GRIK1: variants seen among roughly 807,000 people sequenced by gnomAD.
GRIK1 encodes the protein glutamate ionotropic receptor kainate type subunit 1.
A neutral mutation model predicts 105.7 loss-of-function variants in GRIK1; 69 were observed. The observed-to-expected ratio is 0.65, with a 90% CI of 0.54 to 0.80. The LOEUF is 0.80. GRIK1 is among the 30% of genes least tolerant of loss of function. The pLI, the probability that GRIK1 is intolerant of heterozygous loss-of-function variation, is 0.00. For synonymous variants in GRIK1, 438 were observed against 431.3 expected (o/e 1.02, Z -0.19); for missense variants, 1,109 against 1,167.3 (o/e 0.95, Z 0.73).
At chr21:29,819,346 G>A (rs383479) in intron 1 of GRIK1, among the ~76,000 whole-genome samples, 28,743 of 151,962 alleles carry the variant, frequency 0.19, 2,914 homozygotes, top group Middle Eastern at 0.28. Flanking sequence ...ATACAAGGGA[G>A]TAAAATCCTA....
intron 7 of GRIK1, among the ~76,000 whole-genome samples, chr21:29,627,101 T>A (rs1403766932): frequency 6.6e-6 from 1 of 152,214 alleles, no homozygotes; most frequent in Non-Finnish European, 1.5e-5. Flanking sequence ...GTAGCATAGT[T>A]TATCAGGTTC....
chr21:29,560,346 T>C (rs1175271120), intron 15 of GRIK1, among the ~76,000 whole-genome samples: 16 of 110,072 alleles, frequency 1.5e-4, no homozygotes, highest in African/African-American at 1.9e-4. Flanking sequence ...TTTCTTTCTT[T>C]CTTTCTTTCT....
intron 1 of GRIK1, among the ~76,000 whole-genome samples, chr21:29,921,391 A>G (rs2071189351): frequency 6.6e-6 from 1 of 152,214 alleles, no homozygotes; most frequent in Non-Finnish European, 1.5e-5. Context: ...GCCCACTAAG[A>G]TTATTAATTC....
intron 4 of GRIK1, among the ~76,000 whole-genome samples, chr21:29,663,604 G>A (rs1294615203): frequency 2.0e-5 from 3 of 152,154 alleles, no homozygotes; most frequent in Admixed American, 1.3e-4. Context: ...CTCCTTAATG[G>A]AGTAAGAAAG....
At chr21:29,588,185 A>T (rs898095631) in intron 11 of GRIK1, among the ~76,000 whole-genome samples, 2 of 151,786 alleles carry the variant, frequency 1.3e-5, no homozygotes, top group Admixed American at 6.6e-5. Flanking sequence ...TGTGTTAACC[A>T]GGATGGTCTC....
At chr21:29,771,051 T>G (rs2145734350) in intron 1 of GRIK1, among the ~76,000 whole-genome samples, 1 of 152,368 alleles carries the variant, frequency 6.6e-6, no homozygotes, top group East Asian at 1.9e-4. Flanking sequence ...TAATTGGTTC[T>G]GATATTTTAT....
At chr21:29,780,685 C>T (rs1281211711) in intron 1 of GRIK1, among the ~76,000 whole-genome samples, 2 of 152,178 alleles carry the variant, frequency 1.3e-5, no homozygotes, top group Non-Finnish European at 2.9e-5. Context: ...CACTTGATTT[C>T]AAGCCAGCAA....
intron 6 of GRIK1, among the ~76,000 whole-genome samples, chr21:29,645,945 G>A (rs542139598): frequency 6.6e-6 from 1 of 152,284 alleles, no homozygotes; most frequent in South Asian, 2.1e-4. Context: ...ATTACAATTT[G>A]CAGTAAAGTA....
intron 1 of GRIK1, among the ~76,000 whole-genome samples, chr21:29,800,300 G>T (rs2066669158): frequency 6.6e-6 from 1 of 152,182 alleles, no homozygotes; most frequent in Non-Finnish European, 1.5e-5. Context: ...TCTGAGAACA[G>T]TAGAAAGTGA....
At position 29,658,414 on chromosome 21, in the gene GRIK1, C is replaced by T. The variant is rs919786365; in HGVS notation, c.727-3551G>A. On this transcript the variant is annotated intron_variant, in intron 4 of 17. Coordinates refer to ENST00000327783, the MANE Select transcript of GRIK1 (RefSeq NM_001330994.2). ...AGTAGCTGGGATTACAGGCACGTACCGCCATGCCTGGCTAATTTTTATATT... is the reference window on the plus strand; with the variant it reads ...AGTAGCTGGGATTACAGGCACGTACTGCCATGCCTGGCTAATTTTTATATT... Among the ~76,000 whole-genome samples, 6 of 152,116 alleles carry T rather than the reference C, an allele frequency of 3.9e-5. No homozygotes were observed. In the East Asian group the frequency reaches 5.8e-4, roughly 15 times the overall value.
At position 29,722,466 on chromosome 21, in the gene GRIK1, G is replaced by C. The variant is rs148218544; in HGVS notation, c.119-28403C>G. 2.9e-3 allele frequency among the ~76,000 whole-genome samples: 436 copies of C among 151,710 alleles called. 3 individuals are homozygous for C. Among genetic ancestry groups the C allele is most frequent in the African/African-American group, 0.01 (428 of 41,318 alleles). Reference sequence around the variant, plus strand: ...AGCTACTCAGGTGGGTGAGGCAGGAGAATGGTGTGAACCCGGGAGGCAGAG... The same window carrying C: ...AGCTACTCAGGTGGGTGAGGCAGGACAATGGTGTGAACCCGGGAGGCAGAG... On this transcript the variant is annotated intron_variant, in intron 1 of 17. Transcript: ENST00000327783.
intron 4 of GRIK1, chr21:29,657,311 C>T (rs946574924): frequency 6.6e-6 from 1 of 152,110 alleles, no homozygotes; most frequent in African/African-American, 2.4e-5. Context: ...ATTATGGAGG[C>T]TTTGGATCCC....
At chr21:29,544,026 T>G (rs1415330062) in intron 16 of GRIK1, among the ~76,000 whole-genome samples, 2 of 152,216 alleles carry the variant, frequency 1.3e-5, no homozygotes, top group African/African-American at 4.8e-5. Context: ...ACCTGGGACC[T>G]GATGCCAACA....
At chr21:29,821,986 G>A (rs566623015) in intron 1 of GRIK1, among the ~76,000 whole-genome samples, 2 of 152,088 alleles carry the variant, frequency 1.3e-5, no homozygotes, top group Admixed American at 1.3e-4. Context: ...TTGCATATAA[G>A]TGGACCAACC....
chr21:29,538,700 G>A lies in GRIK1; in HGVS notation c.2608-816C>T, dbSNP rs1013201025. The stretch of plus-strand genomic sequence containing the variant: ...AAAGTCAAATGACAGTGTGCCACCA[G>A]GTAATGTGTCTAAGTTGTAACTGCC... On this transcript the variant is annotated intron_variant, in intron 16 of 17. Transcript: ENST00000327783. Among the ~76,000 whole-genome samples the A allele has an allele frequency of 7.2e-5, 11 of 152,242 alleles. No individual in the cohort carries two copies. The South Asian group carries it at 1.0e-3, about 14-fold the overall frequency.
At chr21:29,698,421 G>T (rs2063751508) in intron 1 of GRIK1, among the ~76,000 whole-genome samples, 1 of 152,160 alleles carries the variant, frequency 6.6e-6, no homozygotes, top group Non-Finnish European at 1.5e-5. Flanking sequence ...AAGGGAGAAG[G>T]CAGGACTGAG....
chr21:29,741,217 G>A (rs1401561629), intron 1 of GRIK1, among the ~76,000 whole-genome samples: 2 of 152,180 alleles, frequency 1.3e-5, no homozygotes, highest in Non-Finnish European at 2.9e-5. Context: ...AGGCAATTGA[G>A]TTCCTAGGAC....
intron 1 of GRIK1, among the ~76,000 whole-genome samples, chr21:29,808,642 C>A (rs946582374): frequency 1.3e-5 from 2 of 152,144 alleles, no homozygotes; most frequent in African/African-American, 4.8e-5. Flanking sequence ...GCCAGTGTTC[C>A]TCCTTCATGC....
At chr21:29,710,765 G>GTCCC (rs2064026083) in intron 1 of GRIK1, among the ~76,000 whole-genome samples, 6 of 106,774 alleles carry the variant, frequency 5.6e-5, no homozygotes, top group African/African-American at 2.3e-4. Context: ...CCCTCCCTCC[G>GTCCC]TCCGTCCCTC....
Sources: allele counts gnomAD v4.1 joint callset (sites outside exome capture counted in the v4.1 genomes callset), GRCh38; gene constraint gnomAD v4.1.1; transcripts MANE v1.5; gene names NCBI Gene and HGNC (gene_info 2026-07-23, HGNC 2026-07-21).